Variants in KIRREL3 observed in about 807,000 individuals in gnomAD.
KIRREL3 encodes kin of IRRE-like protein 3.
In KIRREL3, 36 loss-of-function variants were observed where a neutral mutation model predicts 89.7. The observed-to-expected ratio is 0.40, with a 90% CI of 0.31 to 0.53. The LOEUF is 0.53. KIRREL3 is among the 20% of genes least tolerant of loss of function. The pLI is 0.49. For synonymous variants in KIRREL3, 445 were observed against 441.4 expected (o/e 1.01, Z -0.10); for missense variants, 864 against 1,056.6 (o/e 0.82, Z 2.53).
rs1437623722 is a variant in KIRREL3 at position 126,544,006 on chromosome 11, CA to C, written c.134-17320del. 3 of 152,706 alleles carry C rather than the reference CA, an allele frequency of 2.0e-5. No individual in the cohort carries two copies. The allele number at this position is 152,706 out of a possible 1,614,324, so 9.5% of individuals were successfully genotyped here. A position where few individuals can be genotyped will look rare whatever the true frequency, so the allele number is the denominator to read the frequency against. On this transcript the variant is annotated intron_variant, in intron 2 of 16. Transcript: ENST00000525144. This position sits in a 1 kb window ranked among gnomAD's most constrained non-coding sequence, Gnocchi z 5.6. ...AGGCCCTTCTGCTGGGGCACGGGGTCAGGGGGCAGCACATGGGCATGTGGCC... is the reference window on the plus strand; with the variant it reads ...AGGCCCTTCTGCTGGGGCACGGGGTCGGGGGCAGCACATGGGCATGTGGCC...
At chr11:126,692,321 G>GATCAC (rs1225461424) in intron 1 of KIRREL3, among the ~76,000 whole-genome samples, 3 of 152,046 alleles carry the variant, frequency 2.0e-5, no homozygotes, top group Non-Finnish European at 4.4e-5. Flanking sequence ...AAGGCAGGAA[G>GATCAC]ATCACTTGAG....
At position 126,923,245 on chromosome 11, in the gene KIRREL3, TCTTCTTCTTCTTCTTCTTCTTCTC is replaced by T. The variant is rs1565424039; in HGVS notation, c.55+77186_55+77209del. Among the ~76,000 whole-genome samples, 189 of 57,634 alleles carry T rather than the reference TCTTCTTCTTCTTCTTCTTCTTCTC, an allele frequency of 3.3e-3. 9 individuals are homozygous for T. The highest frequency in any genetic ancestry group is 6.5e-3 in the African/African-American group (99 of 15,172). 37.8% of individuals were successfully genotyped at this position (57,634 alleles called of 152,430 possible). ...TTCTTCTTCTTCTTCTTCTTCTTCT[TCTTCTTCTTCTTCTTCTTCTTCTC>T]CTTCTCCTTCTCCTTCTCCTTCTCC... On this transcript the variant is annotated intron_variant, in intron 1 of 16. Coordinates refer to ENST00000525144, the MANE Select transcript of KIRREL3 (RefSeq NM_032531.4).
At chr11:126,887,031 T>G (rs1945721918) in intron 1 of KIRREL3, among the ~76,000 whole-genome samples, 1 of 152,044 alleles carries the variant, frequency 6.6e-6, no homozygotes, top group African/African-American at 2.4e-5. Flanking sequence ...TAGTGCTCAG[T>G]CTCCCTATCT....
chr11:126,985,726 C>T lies in KIRREL3; in HGVS notation c.55+14729G>A, dbSNP rs141613377. 3.9e-5 allele frequency among the ~76,000 whole-genome samples: 6 copies of T among 152,136 alleles called. No individual in the cohort carries two copies. The highest frequency in any genetic ancestry group is 2.1e-4 in the South Asian group (1 of 4,796). On this transcript the variant is annotated intron_variant, in intron 1 of 16. Coordinates refer to ENST00000525144, the MANE Select transcript of KIRREL3 (RefSeq NM_032531.4). This position sits in a 1 kb window ranked among gnomAD's most constrained non-coding sequence, Gnocchi z 5.3. ...CTGAGACTCTTTGTCCTGAAGGTGT[C>T]GGGATGCTGTCAAAGGAACGTACAC...
intron 1 of KIRREL3, among the ~76,000 whole-genome samples, chr11:126,759,682 T>C (rs1450227869): frequency 6.6e-6 from 1 of 152,220 alleles, no homozygotes. Flanking sequence ...AGAGAAGGTA[T>C]TTCCATGACA....
At position 127,000,025 on chromosome 11, in the gene KIRREL3, C is replaced by G. The variant is rs1435604364; in HGVS notation, c.55+430G>C. Among the ~76,000 whole-genome samples, 1 of 152,258 alleles carries G rather than the reference C, an allele frequency of 6.6e-6. No individual in the cohort carries two copies. The highest frequency in any genetic ancestry group is 2.1e-4 in the South Asian group (1 of 4,810). ...TGAATACACTTGTGCAAGTCAAACC[C>G]TATTCAAGCTGAAATATCCACCTAA... On this transcript the variant is annotated intron_variant, in intron 1 of 16. Coordinates refer to ENST00000525144, the MANE Select transcript of KIRREL3 (RefSeq NM_032531.4). This position sits in a 1 kb window ranked among gnomAD's most constrained non-coding sequence, Gnocchi z 7.1.
chr11:126,672,577 T>A (rs975632085), intron 1 of KIRREL3, among the ~76,000 whole-genome samples: 31 of 152,320 alleles, frequency 2.0e-4, no homozygotes, highest in Admixed American at 9.2e-4. Flanking sequence ...GAGGGTTGAA[T>A]AGATGAAGCA....
At chr11:126,979,881 C>A (rs533124885) in intron 1 of KIRREL3, among the ~76,000 whole-genome samples, 61 of 152,274 alleles carry the variant, frequency 4.0e-4, no homozygotes, top group Admixed American at 2.1e-3. Flanking sequence ...CCCATTCATT[C>A]ATTTGCTCAC....
intron 1 of KIRREL3, among the ~76,000 whole-genome samples, chr11:126,638,431 C>T (rs1004076153): frequency 1.1e-4 from 16 of 152,256 alleles, no homozygotes; most frequent in African/African-American, 3.4e-4. Context: ...CACCAGTCCT[C>T]TTGCTGAGCT....
intron 1 of KIRREL3, among the ~76,000 whole-genome samples, chr11:126,737,589 G>A (rs1379179224): frequency 1.3e-5 from 2 of 152,168 alleles, no homozygotes; most frequent in African/African-American, 2.4e-5. Context: ...AGTAATACCC[G>A]TGCTGGATAA....
At chr11:126,478,613 ATG>A (rs780511485) in intron 4 of KIRREL3, among the ~76,000 whole-genome samples, 13 of 107,278 alleles carry the variant, frequency 1.2e-4, no homozygotes, top group Non-Finnish European at 2.1e-4. Context: ...ATGCATGTAT[ATG>A]TGTGTATGTG....
chr11:126,944,846 T>C (rs1276100964), intron 1 of KIRREL3: 1 of 152,222 alleles, frequency 6.6e-6, no homozygotes, highest in Non-Finnish European at 1.5e-5. Flanking sequence ...GGTAACAGCA[T>C]GGGGGATTGT....
At chr11:126,920,336 T>A in intron 1 of KIRREL3, 1 of 152,308 alleles carries the variant, frequency 6.6e-6, no homozygotes, top group African/African-American at 2.4e-5. Context: ...CAAAGATAAA[T>A]GCTCAGCACC....
intron 1 of KIRREL3, among the ~76,000 whole-genome samples, chr11:126,854,768 T>C (rs917357500): frequency 1.3e-5 from 2 of 152,200 alleles, no homozygotes; most frequent in African/African-American, 2.4e-5. Flanking sequence ...CATATGGTAA[T>C]TCTATGTTTA....
At chr11:126,440,572 T>G in intron 10 of KIRREL3, 23 bp from the exon 11 acceptor site, 1 of 1,571,380 alleles carries the variant, frequency 6.4e-7, no homozygotes, top group Non-Finnish European at 8.6e-7. Flanking sequence ...AGCGTCCCAT[T>G]AGGCACCCGG....
In KIRREL3 at chr11:126,424,941, G is replaced by T; in HGVS notation, c.1976C>A (p.Pro659His). ...TPTISLSSCQ[P>H]DLRPAGKQRV... is the part of the protein sequence containing the mutation. Reference sequence around the variant, plus strand: ...CTGCTTGCCCGCAGGACGCAGGTCGGGCTGGCAGCTGGAGAGGGAGATGGT... The same window carrying T: ...CTGCTTGCCCGCAGGACGCAGGTCGTGCTGGCAGCTGGAGAGGGAGATGGT... The change falls in exon 17 of 17, where the codon CCC becomes CAC. Residue 659 changes from proline to histidine, a missense_variant. Physicochemically the swap from Pro to His is moderately conservative, Grantham distance 77. Transcript: ENST00000525144. 1.3e-6 allele frequency: 2 copies of T among 1,598,924 alleles called. No individual in the cohort carries two copies. Among genetic ancestry groups the T allele is most frequent in the Non-Finnish European group, 1.7e-6 (2 of 1,169,406 alleles).
chr11:126,444,935 T>C, intron 10 of KIRREL3, 44 bp downstream of exon 10: 1 of 1,609,220 alleles, frequency 6.2e-7, no homozygotes, highest in Non-Finnish European at 8.5e-7. Flanking sequence ...CCTGAGGTCC[T>C]TCTTCCCTCC....
At chr11:126,858,556 A>G (rs1944610469) in intron 1 of KIRREL3, among the ~76,000 whole-genome samples, 1 of 152,096 alleles carries the variant, frequency 6.6e-6, no homozygotes, top group Admixed American at 6.6e-5. Flanking sequence ...CCACATGCAC[A>G]CACCTCCAGT....
At chr11:126,626,995 T>C (rs1212636337) in intron 1 of KIRREL3, among the ~76,000 whole-genome samples, 1 of 131,274 alleles carries the variant, frequency 7.6e-6, no homozygotes, top group Non-Finnish European at 1.6e-5. Context: ...AGTGAAACAC[T>C]GTCTCAAGAA....
Sources: gnomAD v4.1 joint callset for allele counts (sites outside exome capture counted in the v4.1 genomes callset) on GRCh38, gnomAD v4.1.1 for gene constraint, Gnocchi (gnomAD v3.1) non-coding constraint, MANE v1.5 for transcripts, NCBI Gene and HGNC (gene_info 2026-07-23, HGNC 2026-07-21) for gene names.